Variants in FADS2 observed in about 807,000 individuals in gnomAD.
FADS2 encodes fatty acid desaturase 2, also known as acyl-CoA 6-desaturase.
In FADS2, 18 loss-of-function variants were observed where a neutral mutation model predicts 61.2. The observed-to-expected ratio is 0.29, with a 90% CI of 0.20 to 0.44. FADS2 has a LOEUF of 0.44. Among genes scored for constraint, FADS2 ranks in the 20% least tolerant of loss-of-function variants. The pLI is 1.00. For missense variants in FADS2, 322 were observed against 572.7 expected, an observed-to-expected ratio of 0.56 and a Z score of 4.47; for synonymous variants, 203 against 223.9, an observed-to-expected ratio of 0.91 and a Z score of 0.83.
intron 1 of FADS2, among the ~76,000 whole-genome samples, chr11:61,834,302 C>T (rs1208251293): frequency 2.0e-5 from 3 of 152,226 alleles, no homozygotes; most frequent in Admixed American, 6.5e-5. Context: ...GCGTGTGGCA[C>T]GTGAGAAAAG....
chr11:61,856,949 G>A (rs2067364445), intron 5 of FADS2, 62 bp from the exon 6 acceptor site: 1 of 1,332,324 alleles, frequency 7.5e-7, no homozygotes, highest in Non-Finnish European at 1.1e-6. Context: ...GGATGGGTTG[G>A]GGAACATGGG....
upstream of FADS2, chr11:61,826,157 C>T (rs1016459320): frequency 5.7e-6 from 4 of 702,550 alleles, no homozygotes; most frequent in East Asian, 2.7e-5. Flanking sequence ...TCCCTTCCTA[C>T]CCCTTACTGA....
chr11:61,837,320 C>T (rs1038109458), intron 1 of FADS2, among the ~76,000 whole-genome samples: 6 of 152,060 alleles, frequency 3.9e-5, no homozygotes, highest in African/African-American at 9.7e-5. Context: ...AGGTAGTATT[C>T]GGTCTTGTCC....
chr11:61,856,452 ACAGGGAGGCTC>A (rs1408491597), intron 5 of FADS2: 2 of 152,530 alleles, frequency 1.3e-5, no homozygotes, highest in African/African-American at 2.4e-5. Context: ...CTTGTAAATT[ACAGGGAGGCTC>A]CAGGGAGGCA....
At chr11:61,824,472 GAGAGAGAGAGAGAGAGAGAAAGAAAGAAA>G (rs2067060701), upstream of FADS2, among the ~76,000 whole-genome samples, 1 of 6,962 alleles carries the variant, frequency 1.4e-4, no homozygotes, top group Non-Finnish European at 6.3e-4. Flanking sequence ...GAGAGAGAGA[GAGAGAGAGAGAGAGAGAGAAAGAAAGAAA>G]GGAAAGAAAG....
rs139753010 is a variant in FADS2, at chr11:61,848,066, G to T, written c.619-93G>T. 2.3e-3 allele frequency: 3,585 copies of T among 1,525,834 alleles called. 95 individuals are homozygous for T. In the East Asian group the frequency reaches 0.051, roughly 22 times the overall value. 94.5% of individuals were successfully genotyped at this position (1,525,834 alleles called of 1,614,324 possible). On this transcript the variant is annotated intron_variant, in intron 4 of 11. Coordinates refer to ENST00000278840, the MANE Select transcript of FADS2 (RefSeq NM_004265.4). ...GAAGTGCTATCCCCGAGGGTTGAAG[G>T]TTCCGGGAACTGCTCCTAAGAAGGG... is the stretch of plus-strand genomic sequence containing the variant.
chr11:61,840,594 G>A, intron 3 of FADS2, 30 bp from the exon 4 acceptor site: 1 of 1,613,130 alleles, frequency 6.2e-7, no homozygotes, highest in Non-Finnish European at 8.5e-7. Context: ...TGCTGAGGCT[G>A]TGACAGCACG....
At chr11:61,822,484 G>A (rs1031040366) in intron 1 of FADS2, among the ~76,000 whole-genome samples, 1 of 152,108 alleles carries the variant, frequency 6.6e-6, no homozygotes, top group Non-Finnish European at 1.5e-5. Context: ...TTGGTATAAG[G>A]CCACCCTGGT....
At chr11:61,835,194 T>G (rs2067162499) in intron 1 of FADS2, among the ~76,000 whole-genome samples, 1 of 152,098 alleles carries the variant, frequency 6.6e-6, no homozygotes. Flanking sequence ...TAAGAAACCG[T>G]GGGCCCAGTT....
At chr11:61,840,218 C>T (rs2067206920) in intron 2 of FADS2, 116 bp from the exon 3 acceptor site, 1 of 853,418 alleles carries the variant, frequency 1.2e-6, no homozygotes. Flanking sequence ...GGCTTGGCCC[C>T]CTCTTGCCAC....
chr11:61,835,560 A>T (rs1284863972), intron 1 of FADS2, among the ~76,000 whole-genome samples: 3 of 139,002 alleles, frequency 2.2e-5, no homozygotes, highest in Admixed American at 2.2e-4. Context: ...CACCTGGCTA[A>T]TTTTTTTTTT....
At chr11:61,859,352 C>T (rs1020090509) in intron 7 of FADS2, among the ~76,000 whole-genome samples, 36 of 152,168 alleles carry the variant, frequency 2.4e-4, no homozygotes, top group African/African-American at 8.0e-4. Context: ...CCACCGCGCC[C>T]GGCCTGTTGA....
rs765086554 is a variant in FADS2 at position 61,865,282 on chromosome 11, G to T, written c.1283+5G>T. ...GGCCCTGCTGGACATCATCAGGTGA[G>T]GGGTGGAGGTCCACAGGCGCTGGGC... On this transcript the variant is annotated splice_donor_5th_base_variant and intron_variant, in intron 11 of 11. Coordinates refer to ENST00000278840, the MANE Select transcript of FADS2 (RefSeq NM_004265.4). The surrounding 1 kb of genome is among the most constrained non-coding windows in gnomAD (Gnocchi z 4.1). 3 of 1,612,644 alleles carry T rather than the reference G, an allele frequency of 1.9e-6. No individual in the cohort carries two copies. The Admixed American group carries it at 5.0e-5, about 27-fold the overall frequency.
At position 61,857,461 on chromosome 11, in the gene FADS2, G is replaced by A. The variant is rs547950712; in HGVS notation, c.813G>A (p.Pro271=). The A allele has an allele frequency of 3.7e-5, 60 of 1,613,910 alleles. No individual in the cohort carries two copies. The highest frequency in any genetic ancestry group is 1.3e-4 in the East Asian group (6 of 44,878). The part of the protein sequence containing the change: ...HQHEYFFLIG[P]PLLIPMYFQY... ...CCTGTCTCTCTCCTGCAGTTGGGCC[G>A]CCGCTGCTCATCCCCATGTATTTCC... The change falls in exon 7 of 12, where the codon CCG becomes CCA. Residue 271 remains proline, a synonymous_variant. Coordinates refer to ENST00000278840, the MANE Select transcript of FADS2 (RefSeq NM_004265.4).
chr11:61,826,810 C>T (rs1027238176), upstream of FADS2, among the ~76,000 whole-genome samples: 1 of 152,230 alleles, frequency 6.6e-6, no homozygotes, highest in Admixed American at 6.5e-5. Context: ...ACAACCCCAC[C>T]AGTTGGGCAG....
chr11:61,835,393 G>A (rs1159496627), intron 1 of FADS2, among the ~76,000 whole-genome samples: 9 of 148,154 alleles, frequency 6.1e-5, no homozygotes, highest in East Asian at 2.1e-4. Flanking sequence ...ACCTTCCCCC[G>A]ACCCTTTTTT....
intron 1 of FADS2, among the ~76,000 whole-genome samples, chr11:61,820,791 TTGTGGG>T (rs2135947028): frequency 6.6e-6 from 1 of 151,928 alleles, no homozygotes; most frequent in South Asian, 2.1e-4. Flanking sequence ...CCCAGCTACT[TTGTGGG>T]GGTGAGGCAG....
intron 7 of FADS2, among the ~76,000 whole-genome samples, chr11:61,861,814 C>T (rs1412538407): frequency 1.3e-5 from 2 of 152,366 alleles, no homozygotes; most frequent in Admixed American, 6.5e-5. Flanking sequence ...CCACCGTTGC[C>T]TCTGACAGTT....
intron 9 of FADS2, 51 bp downstream of exon 9, chr11:61,863,429 T>C: frequency 7.4e-7 from 1 of 1,358,506 alleles, no homozygotes; most frequent in South Asian, 1.2e-5. Flanking sequence ...GTCCATGTCC[T>C]GGCCCCAGAT....
Sources: allele counts gnomAD v4.1 joint callset (sites outside exome capture counted in the v4.1 genomes callset), GRCh38; gene constraint gnomAD v4.1.1; non-coding constraint Gnocchi (gnomAD v3.1); transcripts MANE v1.5; gene names NCBI Gene and HGNC (gene_info 2026-07-23, HGNC 2026-07-21).